Variants in ANK1 observed in about 807,000 individuals in gnomAD.
ANK1 encodes ankyrin-1.
In ANK1, 51 loss-of-function variants were observed where a neutral mutation model predicts 210.4. The observed-to-expected ratio is 0.24, with a 90% CI of 0.19 to 0.31. The LOEUF (loss-of-function observed/expected upper bound fraction) is 0.31. Ranked by LOEUF, ANK1 falls within the 10% of genes least tolerant of loss-of-function variation. The pLI is 1.00. For synonymous variants in ANK1, 967 were observed against 1,025.9 expected, an observed-to-expected ratio of 0.94 and a Z score of 1.10; for missense variants, 2,051 against 2,504.4, an observed-to-expected ratio of 0.82 and a Z score of 3.86.
At chr8:41,792,835 G>T (rs1848018298) in intron 1 of ANK1, among the ~76,000 whole-genome samples, 1 of 152,212 alleles carries the variant, frequency 6.6e-6, no homozygotes, top group South Asian at 2.1e-4. Flanking sequence ...TGAGCAAACT[G>T]CTAAGCAGTC....
At chr8:41,681,273 C>A (rs373507635) in intron 37 of ANK1, among the ~76,000 whole-genome samples, 1 of 152,214 alleles carries the variant, frequency 6.6e-6, no homozygotes, top group African/African-American at 2.4e-5. Flanking sequence ...GGAACTCACA[C>A]GGGTGTGAGA....
Position 41,857,794 on chromosome 8 carries a change from C to T in ANK1, c.126+38561G>A, listed in dbSNP as rs149616220. On this transcript the variant is annotated intron_variant, in intron 1 of 42. Coordinates refer to the ANK1 transcript ENST00000265709. ...TGGCGCATGCCTGTAATCCCAGCTACTAGAGAGGCTGAGGCAGGAGAATCA... is the reference window on the plus strand; with the variant it reads ...TGGCGCATGCCTGTAATCCCAGCTATTAGAGAGGCTGAGGCAGGAGAATCA... 8.0e-3 allele frequency among the ~76,000 whole-genome samples: 1,212 copies of T among 150,836 alleles called. 26 individuals are homozygous for T. Among genetic ancestry groups the T allele is most frequent in the African/African-American group, 0.026 (1,071 of 41,164 alleles).
intron 6 of ANK1, 58 bp downstream of exon 6, chr8:41,725,703 G>T (rs1219973712): frequency 2.5e-6 from 4 of 1,569,286 alleles, no homozygotes; most frequent in Non-Finnish European, 3.4e-6. Context: ...CGTGCGCGGT[G>T]CCCCCTGAGC....
At chr8:41,772,639 A>C (rs1318001643) in intron 1 of ANK1, among the ~76,000 whole-genome samples, 1 of 152,078 alleles carries the variant, frequency 6.6e-6, no homozygotes, top group Non-Finnish European at 1.5e-5. Context: ...CTTACAATGC[A>C]CCCTTTTCAA....
chr8:41,890,753 A>G (rs926412423), intron 1 of ANK1, among the ~76,000 whole-genome samples: 2 of 152,046 alleles, frequency 1.3e-5, no homozygotes, highest in Admixed American at 1.3e-4. Context: ...AAAGAAGAAA[A>G]AAACAGTGAC....
intron 1 of ANK1, among the ~76,000 whole-genome samples, chr8:41,824,937 C>T (rs1009896878): frequency 1.3e-5 from 2 of 152,178 alleles, no homozygotes; most frequent in East Asian, 1.9e-4. Flanking sequence ...GGGGTCCACT[C>T]GAGGGTGAAG....
intron 39 of ANK1, chr8:41,664,739 G>A (rs372191924): frequency 2.0e-5 from 30 of 1,470,040 alleles, no homozygotes; most frequent in African/African-American, 1.5e-4. Context: ...CCACAGCAGC[G>A]TCCCCTCAGC....
rs186614192 is a variant in ANK1, at chr8:41,880,083, G to A, written c.126+16272C>T. 1.1e-4 allele frequency among the ~76,000 whole-genome samples: 16 copies of A among 152,258 alleles called. No homozygotes were observed. In the East Asian group the frequency reaches 2.9e-3, roughly 28 times the overall value. On this transcript the variant is annotated intron_variant, in intron 1 of 42. Transcript: ENST00000265709. ...CCGCTGCCCATTTTTTGCATAGCAC[G>A]GGAGCTGAGAATGATTTTTACATTT...
chr8:41,697,904 G>A (rs1387710339), intron 24 of ANK1, 139 bp downstream of exon 24: 32 of 835,182 alleles, frequency 3.8e-5, no homozygotes, highest in Admixed American at 6.0e-5. Context: ...GCGTCCAAGC[G>A]TGGAATGCCA....
chr8:41,698,133 G>C lies in ANK1; in HGVS notation c.2559-12C>G. ...CTGGAGATTCCACCCTGCGTGCCAAGAACACCAGAACATCACAGGGCTGAT... is the reference window on the plus strand; with the variant it reads ...CTGGAGATTCCACCCTGCGTGCCAACAACACCAGAACATCACAGGGCTGAT... On this transcript the variant is annotated splice_polypyrimidine_tract_variant and intron_variant, in intron 23 of 42. Coordinates refer to ENST00000289734, the MANE Select transcript of ANK1 (RefSeq NM_000037.4). 6.2e-7 allele frequency: 1 copy of C among 1,613,744 alleles called. No homozygotes were observed.
chr8:41,792,779 G>A (rs982359433), intron 1 of ANK1, among the ~76,000 whole-genome samples: 6 of 152,218 alleles, frequency 3.9e-5, no homozygotes, highest in Non-Finnish European at 8.8e-5. Context: ...TATCTAAAAA[G>A]TCATCCACGC....
intron 37 of ANK1, among the ~76,000 whole-genome samples, chr8:41,675,312 G>A (rs1472168833): frequency 6.6e-6 from 1 of 152,166 alleles, no homozygotes; most frequent in African/African-American, 2.4e-5. Context: ...GGCCAGGCTG[G>A]TCTCGAACTG....
At chr8:41,861,502 C>T (rs1203763984) in intron 1 of ANK1, among the ~76,000 whole-genome samples, 1 of 152,242 alleles carries the variant, frequency 6.6e-6, no homozygotes, top group African/African-American at 2.4e-5. Context: ...CCGTAGAACA[C>T]ACTTTGGGTC....
At chr8:41,772,909 G>A (rs917281403) in intron 1 of ANK1, among the ~76,000 whole-genome samples, 4 of 152,026 alleles carry the variant, frequency 2.6e-5, no homozygotes, top group South Asian at 2.1e-4. Flanking sequence ...CTGGTTTATC[G>A]CCACTCAGAC....
At chr8:41,800,817 C>CCATCCTCCTGCCT (rs1849749260), upstream of ANK1, among the ~76,000 whole-genome samples, 1 of 152,156 alleles carries the variant, frequency 6.6e-6, no homozygotes, top group Non-Finnish European at 1.5e-5. Flanking sequence ...CAGGTTCAAG[C>CCATCCTCCTGCCT]CATCCTCCTG....
rs181519731 is a variant in ANK1 at position 41,693,134 on chromosome 8, G to A, written c.3600C>T (p.Cys1200=). 4.0e-5 allele frequency: 64 copies of A among 1,613,562 alleles called. No homozygotes were observed. Among genetic ancestry groups the A allele is most frequent in the African/African-American group, 3.1e-4 (23 of 75,016 alleles). ...GTTKLVYANE[C]ANFTTNVSAR... ...CAGAGACATTGGTGGTGAAGTTGGC[G>A]CACTCGTTGGCATATACAAGTTTGG... Residue 1200 remains cysteine, a synonymous_variant, in exon 30 of 43, where the codon TGC becomes TGT. Coordinates refer to ENST00000289734, the MANE Select transcript of ANK1 (RefSeq NM_000037.4).
intron 37 of ANK1, among the ~76,000 whole-genome samples, chr8:41,676,610 T>C (rs1488414441): frequency 6.6e-6 from 1 of 152,228 alleles, no homozygotes; most frequent in East Asian, 1.9e-4. Context: ...TGTTCTTTTA[T>C]GGATTGTGCT....
chr8:41,710,132 C>CA (rs150088747), intron 16 of ANK1, among the ~76,000 whole-genome samples: 43,719 of 151,878 alleles, frequency 0.29, 6,323 homozygotes, highest in Middle Eastern at 0.36. Flanking sequence ...GGAAGCAGCG[C>CA]ATGGGTTTAC....
intron 1 of ANK1, among the ~76,000 whole-genome samples, chr8:41,825,098 G>A (rs927412944): frequency 6.6e-6 from 1 of 152,244 alleles, no homozygotes; most frequent in African/African-American, 2.4e-5. Flanking sequence ...CCTTGGGGCT[G>A]AGCCCGGCTA....
Sources: allele counts gnomAD v4.1 joint callset (sites outside exome capture counted in the v4.1 genomes callset), GRCh38; gene constraint gnomAD v4.1.1; transcripts MANE v1.5; gene names NCBI Gene and HGNC (gene_info 2026-07-23, HGNC 2026-07-21).